Variants in SPON2 observed in about 807,000 individuals in gnomAD.
SPON2 encodes spondin-2.
Under a neutral mutation model 29.9 loss-of-function variants are expected in SPON2, and 32 were observed. That is an observed-to-expected ratio of 1.07 (90% CI 0.81 to 1.44). The LOEUF is 1.44. SPON2 is among the 40% of genes most tolerant of loss of function. The probability of loss-of-function intolerance (pLI) is 0.00; values close to 1 mark genes in which losing one functional copy is unlikely to be tolerated. For missense variants in SPON2, 541 were observed against 455.5 expected (o/e 1.19, Z -1.71); for synonymous variants, 248 against 209.1 (o/e 1.19, Z -1.61).
Position 1,167,422 on chromosome 4 carries a change from C to T in SPON2, c.*50G>A. The T allele has an allele frequency of 6.4e-7, 1 of 1,568,520 alleles. No homozygotes were observed. ...TGCAGCATGAGCCTGCACAGGAGCC[C>T]CCGACACCCCATGGCTCCGGGGGGC... On this transcript the variant is annotated 3_prime_UTR_variant, in exon 6 of 6. Coordinates refer to ENST00000290902, the MANE Select transcript of SPON2 (RefSeq NM_012445.4).
rs534107991 is a variant in SPON2 at position 1,191,793 on chromosome 4, G to A, written c.-239+3197C>T. Among the ~76,000 whole-genome samples the A allele has an allele frequency of 5.3e-5, 8 of 152,326 alleles. No individual in the cohort carries two copies. In the South Asian group the frequency reaches 1.0e-3, roughly 20 times the overall value. ...AACCATAGGGTGTGTGCGAGGCAGC[G>A]GTTGGATCAGTGTGGAGAGAGGGTG... On this transcript the variant is annotated intron_variant, in intron 1 of 3. Transcript: ENST00000502483.
chr4:1,191,238 C>T (rs60298204), intron 1 of SPON2, among the ~76,000 whole-genome samples: 5,043 of 152,176 alleles, frequency 0.033, 170 homozygotes, highest in East Asian at 0.19. Context: ...GTAATCAAGA[C>T]AGTATGGTAC....
chr4:1,208,312 C>A (rs11939079), upstream of SPON2: 1 of 152,304 alleles, frequency 6.6e-6, no homozygotes, highest in African/African-American at 2.4e-5. Context: ...TGGGGTGGGG[C>A]CCCGAAGAGC....
chr4:1,169,264 A>G (rs1488451776), intron 5 of SPON2, among the ~76,000 whole-genome samples: 1 of 152,012 alleles, frequency 6.6e-6, no homozygotes, highest in Non-Finnish European at 1.5e-5. Flanking sequence ...CCAGTTGCAC[A>G]CCACGAACAG....
chr4:1,167,957 C>T (rs1310479198), intron 5 of SPON2: 2 of 331,904 alleles, frequency 6.0e-6, no homozygotes, highest in Non-Finnish European at 1.1e-5. Flanking sequence ...CTGGGAACCC[C>T]GTGGGAACCC....
At chr4:1,190,838 A>G (rs1164054312) in intron 1 of SPON2, among the ~76,000 whole-genome samples, 1 of 152,248 alleles carries the variant, frequency 6.6e-6, no homozygotes, top group Admixed American at 6.5e-5. Context: ...TGAAATTAAG[A>G]AAACGATTCC....
intron 2 of SPON2, 106 bp downstream of exon 2, chr4:1,171,746 C>T (rs762091208): frequency 1.8e-5 from 16 of 874,772 alleles, no homozygotes; most frequent in East Asian, 7.2e-5. Context: ...AGTCTCCCGA[C>T]GTCAGCACGC....
intron 5 of SPON2, 31 bp from the exon 6 acceptor site, chr4:1,167,687 A>G (rs1727291003): frequency 1.9e-6 from 3 of 1,553,240 alleles, no homozygotes; most frequent in Non-Finnish European, 1.7e-6. Flanking sequence ...ACCGAGGTGA[A>G]CGCTCGCGTG....
exon 1 of SPON2, chr4:1,195,059 GCCGGCGTCT>G (rs1207039583): frequency 1.6e-5 from 2 of 122,302 alleles, no homozygotes; most frequent in Non-Finnish European, 3.6e-5. Context: ...CAACCCCGCA[GCCGGCGTCT>G]CCAACCCCGC....
intron 1 of SPON2, among the ~76,000 whole-genome samples, chr4:1,183,447 A>G (rs567542945): frequency 6.6e-6 from 1 of 152,292 alleles, no homozygotes; most frequent in African/African-American, 2.4e-5. Flanking sequence ...AGCAATGATA[A>G]AAGTTAGTAT....
chr4:1,183,782 G>A (rs751083780), intron 1 of SPON2, among the ~76,000 whole-genome samples: 7 of 152,002 alleles, frequency 4.6e-5, no homozygotes, highest in Non-Finnish European at 8.8e-5. Context: ...AATCCCCATG[G>A]TAACCACAAA....
chr4:1,191,606 G>A (rs1727915748), intron 1 of SPON2, among the ~76,000 whole-genome samples: 1 of 152,160 alleles, frequency 6.6e-6, no homozygotes, highest in Non-Finnish European at 1.5e-5. Context: ...AGCCTAGAGT[G>A]CACTCCTTGG....
At chr4:1,172,247 T>C in intron 1 of SPON2, 173 bp from the exon 2 acceptor site, 1 of 630,692 alleles carries the variant, frequency 1.6e-6, no homozygotes, top group Non-Finnish European at 2.7e-6. Context: ...ATCAGCGGAA[T>C]GGACGGCGCG....
chr4:1,202,098 C>A lies in SPON2; in HGVS notation c.-234+5782G>T, dbSNP rs761396409. Among the ~76,000 whole-genome samples, 2 of 152,196 alleles carry A rather than the reference C, an allele frequency of 1.3e-5. No homozygotes were observed. Among genetic ancestry groups the A allele is most frequent in the African/African-American group, 2.4e-5 (1 of 41,434 alleles). ...AAGACGTCCTGTGCCTGTTAGCAAC[C>A]GCTCCCCGCCACGGTTTGAGTGAGG... is the stretch of plus-strand genomic sequence containing the variant. On this transcript the variant is annotated intron_variant, in intron 1 of 3. Transcript: ENST00000509233. This position sits in a 1 kb window ranked among gnomAD's most constrained non-coding sequence, Gnocchi z 5.4.
upstream of SPON2, among the ~76,000 whole-genome samples, chr4:1,177,324 A>G (rs1383659): frequency 0.95 from 144,391 of 152,294 alleles, 68,885 homozygotes; most frequent in East Asian, 1. Flanking sequence ...GTGAGTAATC[A>G]GCGCCCACAC....
intron 1 of SPON2, among the ~76,000 whole-genome samples, chr4:1,185,962 T>TG (rs1245168332): frequency 2.0e-5 from 3 of 151,992 alleles, no homozygotes; most frequent in African/African-American, 7.2e-5. Flanking sequence ...AGGCAACATC[T>TG]GGCCGGGCGT....
chr4:1,184,852 A>G (rs1387827097), intron 1 of SPON2, among the ~76,000 whole-genome samples: 1 of 150,830 alleles, frequency 6.6e-6, no homozygotes, highest in African/African-American at 2.4e-5. Flanking sequence ...CAGGAGAATC[A>G]CTTGAACCCA....
chr4:1,167,331 A>C lies in SPON2; in HGVS notation c.*141T>G. On this transcript the variant is annotated 3_prime_UTR_variant, in exon 6 of 6. Coordinates refer to ENST00000290902, the MANE Select transcript of SPON2 (RefSeq NM_012445.4). ...CGGCCACCAGAGGGCCCTTCAGTGCAGAGATGGTCGGCGCGGCCTCACCGC... is the reference window on the plus strand; with the variant it reads ...CGGCCACCAGAGGGCCCTTCAGTGCCGAGATGGTCGGCGCGGCCTCACCGC... 4 of 847,824 alleles carry C rather than the reference A, an allele frequency of 4.7e-6. No homozygotes were observed. The highest frequency in any genetic ancestry group is 7.3e-6 in the Non-Finnish European group (4 of 549,892). 52.5% of individuals were successfully genotyped at this position (847,824 alleles called of 1,614,324 possible).
upstream of SPON2, among the ~76,000 whole-genome samples, chr4:1,176,362 C>G (rs1727593424): frequency 6.6e-6 from 1 of 152,162 alleles, no homozygotes; most frequent in Non-Finnish European, 1.5e-5. Context: ...AGGAGCAGCC[C>G]CCCACATACA....
Sources: allele counts gnomAD v4.1 joint callset (sites outside exome capture counted in the v4.1 genomes callset), GRCh38; gene constraint gnomAD v4.1.1; non-coding constraint Gnocchi (gnomAD v3.1); transcripts MANE v1.5; gene names NCBI Gene and HGNC (gene_info 2026-07-23, HGNC 2026-07-21).